The following CLIC5 variants were observed in gnomAD, a reference collection of about 807,000 sequenced individuals.
CLIC5 encodes the protein chloride intracellular channel protein 5.
A neutral mutation model predicts 24.7 loss-of-function variants in CLIC5; 20 were observed. That is an observed-to-expected ratio of 0.81 (90% CI 0.57 to 1.18). The LOEUF (loss-of-function observed/expected upper bound fraction) is 1.18, where lower values mean the gene tolerates loss of function less well. CLIC5 is among the 50% of genes most tolerant of loss of function. The probability of loss-of-function intolerance (pLI) is 0.00; values close to 1 mark genes in which losing one functional copy is unlikely to be tolerated. For missense variants in CLIC5, 341 were observed against 326.1 expected, an observed-to-expected ratio of 1.05 and a Z score of -0.35; for synonymous variants, 159 against 135.6, an observed-to-expected ratio of 1.17 and a Z score of -1.20.
Position 45,985,431 on chromosome 6 carries a change from C to G in CLIC5, c.63+30049G>C, listed in dbSNP as rs188532984. 2.9e-3 allele frequency among the ~76,000 whole-genome samples: 445 copies of G among 152,232 alleles called. 1 individual carries two copies. The highest frequency in any genetic ancestry group is 9.5e-3 in the African/African-American group (393 of 41,540). On this transcript the variant is annotated intron_variant, in intron 1 of 5. Transcript: ENST00000339561. ...CTTGTTAATTTCTTCCCATAGGTAC[C>G]TTTCTGTAAAAAGCAGGCTCATCCC...
intron 4 of CLIC5, among the ~76,000 whole-genome samples, chr6:45,922,823 A>AAAGAGAGAGAGAG (rs1554145920): frequency 7.1e-6 from 1 of 140,614 alleles, no homozygotes; most frequent in Non-Finnish European, 1.5e-5. Flanking sequence ...GAGAGAGAGA[A>AAAGAGAGAGAGAG]AGAGAGAGAG....
chr6:46,035,191 C>G (rs75010929), intron 1 of CLIC5, among the ~76,000 whole-genome samples: 13 of 152,078 alleles, frequency 8.5e-5, no homozygotes, highest in Admixed American at 7.9e-4. Context: ...ATGGCAAAAC[C>G]AGGCCAGGAA....
chr6:46,047,305 A>G (rs1767980364), intron 1 of CLIC5, among the ~76,000 whole-genome samples: 1 of 152,212 alleles, frequency 6.6e-6, no homozygotes, highest in Non-Finnish European at 1.5e-5. Context: ...CATCATGGTG[A>G]AGAGCTGGCC....
In CLIC5 at chr6:45,957,785, A is replaced by T. The variant is rs183722709; in HGVS notation, c.64-2541T>A. On this transcript the variant is annotated intron_variant, in intron 1 of 5. Transcript: ENST00000339561. ...CTTCTTCTATTCCCCTTCAAATCCC[A>T]ACAGCCTTGCGGCCCTAAGAAATTG... Among the ~76,000 whole-genome samples the T allele has an allele frequency of 1.9e-3, 283 of 152,302 alleles. 9 individuals are homozygous for T. In the South Asian group the frequency reaches 0.051, roughly 28 times the overall value.
rs957038371 is a variant in CLIC5 at position 45,912,369 on chromosome 6, A to G, written c.588+1859T>C. 6 of 1,065,830 alleles carry G rather than the reference A, an allele frequency of 5.6e-6. No homozygotes were observed. In the African/African-American group the frequency reaches 8.3e-5, roughly 15 times the overall value. 66.0% of individuals were successfully genotyped at this position (1,065,830 alleles called of 1,614,324 possible). ...GAATTTTCTCCAAGGACAGGGCTTC[A>G]CTGAGTAATTTAAGGCAGGTGGGAA... On this transcript the variant is annotated intron_variant, in intron 5 of 5. Coordinates refer to ENST00000339561, the MANE Select transcript of CLIC5 (RefSeq NM_016929.5).
At chr6:46,087,630 T>C in the CLIC5 span, among the ~76,000 whole-genome samples, 2 of 152,162 alleles carry the variant, frequency 1.3e-5, no homozygotes, top group Admixed American at 1.3e-4. Flanking sequence ...GACTCCATCA[T>C]GACCAAATCC....
At chr6:45,961,473 G>C (rs113866911) in intron 1 of CLIC5, among the ~76,000 whole-genome samples, 1 of 152,184 alleles carries the variant, frequency 6.6e-6, no homozygotes, top group Admixed American at 6.5e-5. Flanking sequence ...AGACCACACT[G>C]GCTGCTGTCC....
chr6:45,994,304 G>T (rs1273153952), intron 1 of CLIC5, among the ~76,000 whole-genome samples: 2 of 152,192 alleles, frequency 1.3e-5, no homozygotes, highest in African/African-American at 4.8e-5. Context: ...GGAATACTAT[G>T]CAGTCATAAA....
chr6:45,883,867 G>A (rs1762282447), intron 6 of CLIC5: 1 of 152,238 alleles, frequency 6.6e-6, no homozygotes, highest in African/African-American at 2.4e-5. Flanking sequence ...TAGGCAGTGA[G>A]AGGAGCATGA....
At chr6:45,895,297 T>A (rs530405576), downstream of CLIC5, among the ~76,000 whole-genome samples, 4 of 152,290 alleles carry the variant, frequency 2.6e-5, no homozygotes, top group South Asian at 8.3e-4. Flanking sequence ...TAACACCTAA[T>A]CTAGGCACAA....
intron 1 of CLIC5, among the ~76,000 whole-genome samples, chr6:46,068,148 G>T (rs1157332574): frequency 6.6e-6 from 1 of 152,152 alleles, no homozygotes; most frequent in Non-Finnish European, 1.5e-5. Context: ...AAGATTGCCA[G>T]AAGCCAACAG....
chr6:45,943,724 G>A (rs138008618), intron 3 of CLIC5, among the ~76,000 whole-genome samples: 3 of 152,158 alleles, frequency 2.0e-5, no homozygotes, highest in African/African-American at 4.8e-5. Context: ...TCACAATCAG[G>A]TTGGGCCAAA....
At chr6:45,913,522 C>T in intron 5 of CLIC5, among the ~76,000 whole-genome samples, 1 of 152,208 alleles carries the variant, frequency 6.6e-6, no homozygotes, top group South Asian at 2.1e-4. Context: ...TCCTCGTTCT[C>T]AGAGGCTGCA....
At chr6:46,076,965 C>T (rs1371674675) in intron 1 of CLIC5, among the ~76,000 whole-genome samples, 2 of 151,878 alleles carry the variant, frequency 1.3e-5, no homozygotes, top group Non-Finnish European at 2.9e-5. Context: ...AGTGAAAACC[C>T]GTCTCTACTA....
intron 1 of CLIC5, among the ~76,000 whole-genome samples, chr6:46,039,303 G>T (rs932033206): frequency 5.3e-4 from 80 of 152,122 alleles, no homozygotes; most frequent in African/African-American, 1.8e-3. Flanking sequence ...AAAACATCAT[G>T]ACATTCAGTT....
intron 1 of CLIC5, among the ~76,000 whole-genome samples, chr6:46,046,083 A>T (rs1767945444): frequency 6.6e-6 from 1 of 152,236 alleles, no homozygotes; most frequent in Middle Eastern, 3.2e-3. Flanking sequence ...CATCTTCTCC[A>T]GTAGGACTTT....
intron 1 of CLIC5, among the ~76,000 whole-genome samples, chr6:46,024,452 A>G (rs1204686639): frequency 6.6e-6 from 1 of 152,110 alleles, no homozygotes; most frequent in Non-Finnish European, 1.5e-5. Flanking sequence ...TGGACTTATA[A>G]AGAGACTAGG....
At chr6:46,024,262 A>C (rs543788310) in intron 1 of CLIC5, among the ~76,000 whole-genome samples, 7 of 152,160 alleles carry the variant, frequency 4.6e-5, no homozygotes, top group Non-Finnish European at 1.0e-4. Flanking sequence ...CTCCATTCAC[A>C]GTACCTTAGG....
chr6:45,989,608 T>C (rs1439405531), intron 1 of CLIC5, among the ~76,000 whole-genome samples: 1 of 152,188 alleles, frequency 6.6e-6, no homozygotes, highest in Non-Finnish European at 1.5e-5. Context: ...AATGGTCAAG[T>C]GAGAAAGGCC....
Sources: allele counts gnomAD v4.1 joint callset (sites outside exome capture counted in the v4.1 genomes callset), GRCh38; gene constraint gnomAD v4.1.1; transcripts MANE v1.5; gene names NCBI Gene and HGNC (gene_info 2026-07-23, HGNC 2026-07-21).